Variants in SH3BGRL2 observed in about 807,000 individuals in gnomAD.
The protein encoded by SH3BGRL2 is SH3 domain-binding glutamic acid-rich-like protein 2.
SH3BGRL2 carries 21 observed loss-of-function variants against 14.8 expected under a neutral mutation model. The ratio of observed to expected loss-of-function variants is 1.42; its 90% CI spans 1.01 to 2.05. The LOEUF is 2.05. SH3BGRL2 is among the 30% of genes most tolerant of loss of function. The pLI is 0.00. For synonymous variants in SH3BGRL2, 50 were observed against 47.8 expected, an observed-to-expected ratio of 1.05 and a Z score of -0.19; for missense variants, 147 against 130.8, an observed-to-expected ratio of 1.12 and a Z score of -0.61.
chr6:79,581,267 G>A, the SH3BGRL2 span, among the ~76,000 whole-genome samples: 1 of 152,062 alleles, frequency 6.6e-6, no homozygotes, highest in Non-Finnish European at 1.5e-5. Flanking sequence ...GAAAAAGAAG[G>A]AACCCTCCCT....
chr6:79,548,293 T>A, the SH3BGRL2 span, among the ~76,000 whole-genome samples: 2 of 152,248 alleles, frequency 1.3e-5, no homozygotes, highest in Non-Finnish European at 2.9e-5. Flanking sequence ...GCCAAATTTT[T>A]AAATCTTTAT....
At chr6:79,695,196 T>G (rs796943563) in intron 2 of SH3BGRL2, among the ~76,000 whole-genome samples, 21 of 152,300 alleles carry the variant, frequency 1.4e-4, no homozygotes, top group African/African-American at 4.6e-4. Flanking sequence ...CAAAGAAGAC[T>G]TGGCCAAATC....
intron 1 of SH3BGRL2, among the ~76,000 whole-genome samples, chr6:79,653,639 A>G (rs1468291347): frequency 2.0e-5 from 3 of 152,252 alleles, no homozygotes; most frequent in African/African-American, 7.2e-5. Flanking sequence ...CACTGTTTTC[A>G]TAGTGAAGTT....
the SH3BGRL2 span, among the ~76,000 whole-genome samples, chr6:79,609,196 T>G: frequency 2.0e-5 from 3 of 152,194 alleles, no homozygotes; most frequent in African/African-American, 7.2e-5. Flanking sequence ...CACTGAGGTA[T>G]GTATTTGAGG....
intron 2 of SH3BGRL2, among the ~76,000 whole-genome samples, chr6:79,691,569 T>C (rs1770217190): frequency 6.9e-6 from 1 of 145,900 alleles, no homozygotes; most frequent in African/African-American, 2.5e-5. Context: ...TGTGTTCTCA[T>C]TGTTCAATTC....
At chr6:79,636,274 G>A (rs1028236999) in intron 1 of SH3BGRL2, among the ~76,000 whole-genome samples, 1 of 152,160 alleles carries the variant, frequency 6.6e-6, no homozygotes, top group Non-Finnish European at 1.5e-5. Context: ...TCTTCCTGTG[G>A]GCTCTGTAGC....
the SH3BGRL2 span, among the ~76,000 whole-genome samples, chr6:79,567,992 C>G: frequency 6.6e-6 from 1 of 152,104 alleles, no homozygotes; most frequent in Admixed American, 6.5e-5. Context: ...GATGTCCAAC[C>G]TCATTCATAC....
chr6:79,542,647 G>C, the SH3BGRL2 span, among the ~76,000 whole-genome samples: 1 of 152,142 alleles, frequency 6.6e-6, no homozygotes, highest in Admixed American at 6.5e-5. Context: ...TTGGCTTATC[G>C]GTAGGTTCTG....
intron 2 of SH3BGRL2, among the ~76,000 whole-genome samples, chr6:79,680,672 T>A (rs1472331130): frequency 6.6e-6 from 1 of 152,202 alleles, no homozygotes; most frequent in African/African-American, 2.4e-5. Context: ...TGGGTATTAT[T>A]GACATCTATA....
chr6:79,562,596 AG>A, the SH3BGRL2 span, among the ~76,000 whole-genome samples: 1 of 152,312 alleles, frequency 6.6e-6, no homozygotes, highest in African/African-American at 2.4e-5. Context: ...CTTTTCCAAT[AG>A]AAACACACAC....
intron 2 of SH3BGRL2, among the ~76,000 whole-genome samples, chr6:79,688,086 G>C (rs763458473): frequency 1.7e-4 from 26 of 151,992 alleles, no homozygotes; most frequent in Non-Finnish European, 8.8e-5. Flanking sequence ...GCCTTGTGGA[G>C]GAATGAAACT....
intron 2 of SH3BGRL2, among the ~76,000 whole-genome samples, chr6:79,680,397 G>A (rs1259163884): frequency 1.3e-5 from 2 of 152,136 alleles, no homozygotes. Flanking sequence ...ATACACAGAA[G>A]GGTTTATTTT....
At chr6:79,575,861 T>C in the SH3BGRL2 span, among the ~76,000 whole-genome samples, 1 of 152,102 alleles carries the variant, frequency 6.6e-6, no homozygotes, top group East Asian at 1.9e-4. Flanking sequence ...TGATTACTGA[T>C]ATTTGGTTGT....
Position 79,686,037 on chromosome 6 carries a change from T to C in SH3BGRL2, c.232-10448T>C, listed in dbSNP as rs1158215265. On this transcript the variant is annotated intron_variant, in intron 2 of 3. Coordinates refer to ENST00000369838, the MANE Select transcript of SH3BGRL2 (RefSeq NM_031469.4). The stretch of plus-strand genomic sequence containing the variant: ...TCTTAATTGATCATTTTGTTTAATA[T>C]AAAAGACTAGATTTAAAACCAAGTT... Among the ~76,000 whole-genome samples the C allele has an allele frequency of 3.3e-5, 5 of 152,318 alleles. No homozygotes were observed. The East Asian group carries it at 9.6e-4, about 29-fold the overall frequency.
intron 1 of SH3BGRL2, among the ~76,000 whole-genome samples, chr6:79,649,985 T>TCTCTCTCTCACACACACACA (rs765159303): frequency 1.7e-4 from 24 of 142,072 alleles, no homozygotes; most frequent in South Asian, 4.7e-4. Flanking sequence ...TCTCTCTCTC[T>TCTCTCTCTCACACACACACA]CACACACACA....
chr6:79,682,472 T>C (rs1196289964), intron 2 of SH3BGRL2, among the ~76,000 whole-genome samples: 1 of 152,220 alleles, frequency 6.6e-6, no homozygotes, highest in Non-Finnish European at 1.5e-5. Context: ...TGAGAACAAC[T>C]GCAACTGCAT....
the SH3BGRL2 span, among the ~76,000 whole-genome samples, chr6:79,624,152 GTTGCCTAGAACTAT>G: frequency 6.6e-6 from 1 of 151,844 alleles, no homozygotes; most frequent in East Asian, 1.9e-4. Context: ...TGTAACTTGT[GTTGCCTAGAACTAT>G]TTCAGCAATA....
At chr6:79,660,372 G>A (rs1440726390) in intron 1 of SH3BGRL2, among the ~76,000 whole-genome samples, 1 of 152,140 alleles carries the variant, frequency 6.6e-6, no homozygotes, top group Non-Finnish European at 1.5e-5. Flanking sequence ...TTTGTCAAAT[G>A]CCTTTTTGCA....
the SH3BGRL2 span, among the ~76,000 whole-genome samples, chr6:79,619,857 G>A: frequency 1.3e-5 from 2 of 152,052 alleles, no homozygotes; most frequent in African/African-American, 4.8e-5. Flanking sequence ...CTAATTTAAA[G>A]GCAATTTTAA....
Sources: gnomAD v4.1 joint callset for allele counts (sites outside exome capture counted in the v4.1 genomes callset) on GRCh38, gnomAD v4.1.1 for gene constraint, MANE v1.5 for transcripts, NCBI Gene and HGNC (gene_info 2026-07-23, HGNC 2026-07-21) for gene names.